RAPGEF2: variants seen among roughly 807,000 people sequenced by gnomAD.
RAPGEF2 encodes PDZ domain containing guanine nucleotide exchange factor (GEF) 1.
In RAPGEF2, 54 loss-of-function variants were observed where a neutral mutation model predicts 186.7. The observed-to-expected ratio is 0.29, with a 90% CI of 0.23 to 0.36. The LOEUF (loss-of-function observed/expected upper bound fraction) is 0.36, where lower values mean the gene tolerates loss of function less well. Among genes scored for constraint, RAPGEF2 ranks in the 10% least tolerant of loss-of-function variants. The pLI, the probability that RAPGEF2 is intolerant of heterozygous loss-of-function variation, is 1.00. For missense variants in RAPGEF2, 1,532 were observed against 2,045.0 expected (o/e 0.75, Z 4.84); for synonymous variants, 712 against 705.9 (o/e 1.01, Z -0.14).
chr4:159,155,409 T>G (rs189544056), intron 1 of RAPGEF2, among the ~76,000 whole-genome samples: 8 of 152,344 alleles, frequency 5.3e-5, no homozygotes, highest in Non-Finnish European at 7.4e-5. Flanking sequence ...CCCTTTGGCC[T>G]TAAACAAAGG....
At chr4:159,340,330 A>T (rs1729211396) in intron 19 of RAPGEF2, among the ~76,000 whole-genome samples, 2 of 152,092 alleles carry the variant, frequency 1.3e-5, no homozygotes, top group Non-Finnish European at 2.9e-5. Context: ...TTTTCCACTT[A>T]TCATTTCAAT....
chr4:159,170,335 G>A (rs1745777690), intron 1 of RAPGEF2, among the ~76,000 whole-genome samples: 1 of 151,992 alleles, frequency 6.6e-6, no homozygotes, highest in South Asian at 2.1e-4. Context: ...TGCAAATACA[G>A]TCAGCCCTCC....
At chr4:159,305,832 G>A (rs1041727004) in intron 8 of RAPGEF2, among the ~76,000 whole-genome samples, 16 of 151,930 alleles carry the variant, frequency 1.1e-4, no homozygotes, top group Non-Finnish European at 2.9e-5. Flanking sequence ...GTTTTGAGTC[G>A]ATTTTTATTT....
At chr4:159,352,597 C>T in intron 26 of RAPGEF2, 88 bp from the exon 27 acceptor site, 1 of 1,042,806 alleles carries the variant, frequency 9.6e-7, no homozygotes, top group Non-Finnish European at 1.5e-6. Context: ...TCTATGCCTG[C>T]ATTTTATTTT....
intron 1 of RAPGEF2, among the ~76,000 whole-genome samples, chr4:159,184,174 C>G (rs1350065192): frequency 2.6e-5 from 4 of 152,174 alleles, no homozygotes. Context: ...CAAGTCTTTG[C>G]TATTGTGAAT....
intron 20 of RAPGEF2, among the ~76,000 whole-genome samples, chr4:159,342,760 G>C (rs1464482806): frequency 6.6e-6 from 1 of 151,888 alleles, no homozygotes; most frequent in African/African-American, 2.4e-5. Context: ...AGATGAGGTA[G>C]GTCTATACGG....
At chr4:159,229,927 A>G (rs1294543983) in intron 4 of RAPGEF2, among the ~76,000 whole-genome samples, 1 of 152,154 alleles carries the variant, frequency 6.6e-6, no homozygotes, top group Non-Finnish European at 1.5e-5. Context: ...TTGATATGGC[A>G]GAGAACTCAA....
chr4:159,234,368 G>A (rs1029866033), intron 4 of RAPGEF2, among the ~76,000 whole-genome samples: 1 of 139,396 alleles, frequency 7.2e-6, no homozygotes. Flanking sequence ...TTCAGCTGGT[G>A]TAATAGGACT....
chr4:159,312,813 A>T (rs938934295), intron 8 of RAPGEF2, among the ~76,000 whole-genome samples: 1 of 152,224 alleles, frequency 6.6e-6, no homozygotes, highest in African/African-American at 2.4e-5. Context: ...ATGTTCTGTG[A>T]TATGAACCGG....
intron 1 of RAPGEF2, among the ~76,000 whole-genome samples, chr4:159,137,611 C>G (rs890617000): frequency 2.1e-5 from 3 of 145,924 alleles, no homozygotes; most frequent in Non-Finnish European, 4.5e-5. Context: ...TTTTGCACTT[C>G]TTTTGTATGT....
intron 29 of RAPGEF2, among the ~76,000 whole-genome samples, chr4:159,357,221 C>CTTTT: frequency 6.6e-6 from 1 of 152,212 alleles, no homozygotes; most frequent in South Asian, 2.1e-4. Flanking sequence ...ATGACCCAGG[C>CTTTT]GTGGTGGCGT....
At chr4:159,134,641 G>A (rs759848958) in intron 1 of RAPGEF2, among the ~76,000 whole-genome samples, 20 of 152,160 alleles carry the variant, frequency 1.3e-4, no homozygotes, top group Non-Finnish European at 2.8e-4. Flanking sequence ...GCACTTACAC[G>A]TGTCAGTTTT....
In RAPGEF2 at chr4:159,256,275, C is replaced by G. The variant is rs546964570; in HGVS notation, c.543+12484C>G. 3.3e-4 allele frequency among the ~76,000 whole-genome samples: 51 copies of G among 152,248 alleles called. 1 individual carries two copies. In the South Asian group the frequency reaches 0.01, roughly 31 times the overall value. On this transcript the variant is annotated intron_variant, in intron 7 of 29. Transcript: ENST00000691494. ...TCTGTTGTTCCCCTCCCTGTGTTCCCTCTTAAAAGTGAGAACATGCAGTGT... is the reference window on the plus strand; with the variant it reads ...TCTGTTGTTCCCCTCCCTGTGTTCCGTCTTAAAAGTGAGAACATGCAGTGT...
chr4:159,350,008 A>T (rs1349318672), intron 25 of RAPGEF2, 129 bp from the exon 26 acceptor site: 2 of 550,846 alleles, frequency 3.6e-6, no homozygotes, highest in Non-Finnish European at 6.1e-6. Flanking sequence ...AAGAACATTT[A>T]GATTGTAAAT....
At chr4:159,301,193 T>C (rs1762626643) in intron 7 of RAPGEF2, among the ~76,000 whole-genome samples, 1 of 151,916 alleles carries the variant, frequency 6.6e-6, no homozygotes, top group Non-Finnish European at 1.5e-5. Flanking sequence ...GCCAACATGG[T>C]GAAAGCCTGT....
intron 3 of RAPGEF2, among the ~76,000 whole-genome samples, chr4:159,206,317 A>T (rs1249447283): frequency 6.6e-6 from 1 of 152,228 alleles, no homozygotes; most frequent in Non-Finnish European, 1.5e-5. Context: ...GAAAATGAAA[A>T]GCAGAATCGT....
chr4:159,352,694 T>C lies in RAPGEF2; in HGVS notation c.3875T>C (p.Leu1292Ser). Residue 1292 changes from leucine (L) to serine (S), a missense_variant, in exon 27 of 30, where the codon TTG becomes TCG. Physicochemically the swap from Leu to Ser is moderately radical, Grantham distance 145. Around this residue, in one of 4 missense-constraint regions of RAPGEF2, gnomAD observed 594 missense variants for 608.5 expected, o/e 0.98. Coordinates refer to ENST00000691494, the MANE Select transcript of RAPGEF2 (RefSeq NM_001394067.2). The part of the protein sequence containing the change: ...PQSSPRKGYT[L>S]APSGTVDNFS... ...TGTATTTCTCATGCAGGCTATACTTTGGCTCCCAGTGGTACTGTGGATAAT... is the reference window on the plus strand; with the variant it reads ...TGTATTTCTCATGCAGGCTATACTTCGGCTCCCAGTGGTACTGTGGATAAT... The C allele has an allele frequency of 1.9e-6, 3 of 1,612,014 alleles. No homozygotes were observed. Among genetic ancestry groups the C allele is most frequent in the Non-Finnish European group, 8.5e-7 (1 of 1,178,008 alleles).
intron 27 of RAPGEF2, 62 bp downstream of exon 27, chr4:159,352,972 T>C (rs1046657620): frequency 2.9e-6 from 4 of 1,377,106 alleles, no homozygotes; most frequent in Non-Finnish European, 4.0e-6. Context: ...TAATAATGAG[T>C]CTTTTCTTCC....
chr4:159,295,744 TGTGTGTGTGTGCGCGCGCGCGC>T (rs902785292), intron 7 of RAPGEF2, among the ~76,000 whole-genome samples: 17 of 132,734 alleles, frequency 1.3e-4, no homozygotes, highest in Non-Finnish European at 2.4e-4. Flanking sequence ...TGTGTGTGTG[TGTGTGTGTGTGCGCGCGCGCGC>T]GCGCGCGCAT....
Sources: allele counts gnomAD v4.1 joint callset (sites outside exome capture counted in the v4.1 genomes callset), GRCh38; gene constraint gnomAD v4.1.1; regional missense constraint gnomAD v4.1.1; transcripts MANE v1.5; gene names NCBI Gene and HGNC (gene_info 2026-07-23, HGNC 2026-07-21).